ZNF600: variants seen among roughly 807,000 people sequenced by gnomAD.
ZNF600 encodes the protein zinc finger protein KR-ZNF1.
In ZNF600, 4 loss-of-function variants were observed where a neutral mutation model predicts 7.3. The observed-to-expected ratio is 0.55, with a 90% CI of 0.27 to 1.25. ZNF600 has a LOEUF of 1.25. Ranked by LOEUF, ZNF600 falls within the 50% of genes most tolerant of loss-of-function variation. The probability of loss-of-function intolerance (pLI) is 0.12; values close to 1 mark genes in which losing one functional copy is unlikely to be tolerated. For synonymous variants in ZNF600, 290 were observed against 308.9 expected (o/e 0.94, Z 0.64); for missense variants, 911 against 922.1 (o/e 0.99, Z 0.16).
the ZNF600 span, among the ~76,000 whole-genome samples, chr19:52,828,400 G>A: frequency 2.0e-5 from 3 of 152,092 alleles, no homozygotes; most frequent in Non-Finnish European, 4.4e-5. Context: ...CCGGGAGGCA[G>A]AAGTTGCGCT....
chr19:52,829,115 C>T, the ZNF600 span, among the ~76,000 whole-genome samples: 3 of 151,796 alleles, frequency 2.0e-5, no homozygotes, highest in East Asian at 1.9e-4. Context: ...TCACCCGCCT[C>T]GGCCTCCCAA....
chr19:52,767,757 C>A (rs749769400), exon 4 of ZNF600: 4 of 1,569,118 alleles, frequency 2.5e-6, no homozygotes, highest in Non-Finnish European at 3.4e-6. Context: ...CTTCATCATG[C>A]GTTTGGAAGA....
chr19:52,787,778 T>C (rs1427228343), upstream of ZNF600, among the ~76,000 whole-genome samples: 1 of 143,320 alleles, frequency 7.0e-6, no homozygotes, highest in African/African-American at 2.6e-5. Context: ...GAGAATGGAG[T>C]GAACCCGGGA....
chr19:52,824,989 T>C, the ZNF600 span, among the ~76,000 whole-genome samples: 1 of 152,114 alleles, frequency 6.6e-6, no homozygotes, highest in African/African-American at 2.4e-5. Context: ...TCCAGCTACT[T>C]GGGAGGCTGA....
chr19:52,817,067 T>C, the ZNF600 span, among the ~76,000 whole-genome samples: 17 of 152,076 alleles, frequency 1.1e-4, no homozygotes, highest in African/African-American at 2.7e-4. Context: ...ATTGATTTCA[T>C]GTTCTTAAAA....
chr19:52,770,807 G>C (rs2062624390), intron 3 of ZNF600, among the ~76,000 whole-genome samples: 1 of 152,048 alleles, frequency 6.6e-6, no homozygotes, highest in South Asian at 2.1e-4. Context: ...TTGTGAATAG[G>C]ACTAGGGCTT....
chr19:52,809,828 C>A, the ZNF600 span: 1 of 551,048 alleles, frequency 1.8e-6, no homozygotes, highest in Non-Finnish European at 3.2e-6. Context: ...GCGAAGGCGG[C>A]GGCGGCGGCG....
chr19:52,773,459 C>T (rs1441156579), intron 3 of ZNF600, among the ~76,000 whole-genome samples: 20 of 140,156 alleles, frequency 1.4e-4, no homozygotes, highest in African/African-American at 5.3e-4. Context: ...TGTGTAGATT[C>T]CAGAAATGTG....
chr19:52,781,691 A>T (rs902809528), intron 1 of ZNF600, among the ~76,000 whole-genome samples: 4 of 151,748 alleles, frequency 2.6e-5, no homozygotes, highest in Non-Finnish European at 5.9e-5. Context: ...TGAGCCTGGG[A>T]GGCAGAGGTT....
chr19:52,804,812 G>A, the ZNF600 span, among the ~76,000 whole-genome samples: 166 of 152,320 alleles, frequency 1.1e-3, no homozygotes, highest in African/African-American at 3.7e-3. Flanking sequence ...GCCAGTCTAA[G>A]CTATTTCTAA....
At chr19:52,810,220 T>C in the ZNF600 span, 2 of 1,126,912 alleles carry the variant, frequency 1.8e-6, no homozygotes, top group African/African-American at 1.5e-5. Context: ...CAGAACGACG[T>C]AGAGAAGCAG....
the ZNF600 span, among the ~76,000 whole-genome samples, chr19:52,804,223 T>C: frequency 4.9e-4 from 74 of 152,382 alleles, no homozygotes; most frequent in African/African-American, 1.8e-3. Flanking sequence ...GGCACCTTGC[T>C]CTTGGATTTC....
chr19:52,790,601 G>A (rs1189006795), upstream of ZNF600, among the ~76,000 whole-genome samples: 1 of 151,578 alleles, frequency 6.6e-6, no homozygotes, highest in Non-Finnish European at 1.5e-5. Context: ...GAACCTAGGA[G>A]TTTCAGGCTG....
the ZNF600 span, among the ~76,000 whole-genome samples, chr19:52,828,253 T>A: frequency 1.8e-4 from 27 of 152,112 alleles, no homozygotes; most frequent in Non-Finnish European, 3.5e-4. Context: ...GGTTTCACCA[T>A]GTAGGCCAGG....
the ZNF600 span, among the ~76,000 whole-genome samples, chr19:52,825,140 T>C: frequency 6.6e-6 from 1 of 152,076 alleles, no homozygotes; most frequent in African/African-American, 2.4e-5. Context: ...TGCCACGTCC[T>C]AGAAGAAGCA....
the ZNF600 span, among the ~76,000 whole-genome samples, chr19:52,826,533 C>A: frequency 6.6e-6 from 1 of 152,082 alleles, no homozygotes; most frequent in African/African-American, 2.4e-5. Context: ...AGGCAAAACC[C>A]CATCTCTACT....
rs761190111 is a variant in ZNF600, at chr19:52,765,938, T to G, written c.2025A>C (p.Ala675=). 9 of 1,614,070 alleles carry G rather than the reference T, an allele frequency of 5.6e-6. No individual in the cohort carries two copies. In the African/African-American group the frequency reaches 1.2e-4, roughly 22 times the overall value. ...ATTCATTACACTTGTAAGGTTTCTC[T>G]GCAGTGTGAATTCTGGTATGTCTTG... The change falls in exon 4 of 4, where the codon GCA becomes GCC. Residue 675 remains alanine (A), a synonymous_variant. Transcript: ENST00000648973.
exon 4 of ZNF600, chr19:52,767,641 T>C (rs1246361410): frequency 6.2e-7 from 1 of 1,614,146 alleles, no homozygotes; most frequent in East Asian, 2.2e-5. Context: ...TGAATTTCTT[T>C]CTCAATTTCC....
At chr19:52,801,796 T>G in the ZNF600 span, 3 of 1,208,810 alleles carry the variant, frequency 2.5e-6, no homozygotes, top group Non-Finnish European at 3.5e-6. Context: ...AATACTTATT[T>G]TAAACTTCCC....
Sources: allele counts gnomAD v4.1 joint callset (sites outside exome capture counted in the v4.1 genomes callset), GRCh38; gene constraint gnomAD v4.1.1; transcripts MANE v1.5; gene names NCBI Gene and HGNC (gene_info 2026-07-23, HGNC 2026-07-21).